The following SARNP variants were observed in gnomAD, a reference collection of about 807,000 sequenced individuals.
The protein encoded by SARNP is SAP domain containing ribonucleoprotein, also known as SAP domain-containing ribonucleoprotein.
In SARNP, 5 loss-of-function variants were observed where a neutral mutation model predicts 38.1. The ratio of observed to expected loss-of-function variants is 0.13; its 90% CI spans 0.07 to 0.28. SARNP has a LOEUF of 0.28. SARNP is among the 10% of genes least tolerant of loss of function. The probability of loss-of-function intolerance (pLI) is 1.00; values close to 1 mark genes in which losing one functional copy is unlikely to be tolerated. For synonymous variants in SARNP, 84 were observed against 80.6 expected (o/e 1.04, Z -0.23); for missense variants, 180 against 243.9 (o/e 0.74, Z 1.75).
intron 6 of SARNP, 122 bp downstream of exon 6, chr12:55,794,673 GTCAAAAAAGTGT>G (rs1259451560): frequency 1.4e-5 from 9 of 659,678 alleles, no homozygotes; most frequent in Non-Finnish European, 2.1e-5. Flanking sequence ...TCTGAATAGG[GTCAAAAAAGTGT>G]TCATATCCTT....
chr12:55,794,534 G>A (rs539728201), intron 6 of SARNP, 147 bp from the exon 7 acceptor site: 3 of 695,642 alleles, frequency 4.3e-6, no homozygotes, highest in East Asian at 2.8e-5. Flanking sequence ...CATGAAAGAG[G>A]TTCAGAAATT....
chr12:55,783,809 T>C (rs1879408713), intron 9 of SARNP, among the ~76,000 whole-genome samples: 1 of 151,762 alleles, frequency 6.6e-6, no homozygotes. Flanking sequence ...AAAAAAAAAT[T>C]AGGCTGCGCA....
chr12:55,788,756 C>T (rs940444747), intron 9 of SARNP, among the ~76,000 whole-genome samples: 1 of 152,010 alleles, frequency 6.6e-6, no homozygotes. Context: ...GCCGTGATCG[C>T]ACCACTGCAC....
intron 9 of SARNP, among the ~76,000 whole-genome samples, chr12:55,765,883 T>C (rs1878815608): frequency 6.6e-6 from 1 of 152,070 alleles, no homozygotes; most frequent in African/African-American, 2.4e-5. Context: ...ATCAACACAG[T>C]TCTAATGATC....
At chr12:55,780,471 A>G (rs555639541) in intron 9 of SARNP, among the ~76,000 whole-genome samples, 1 of 152,062 alleles carries the variant, frequency 6.6e-6, no homozygotes, top group Non-Finnish European at 1.5e-5. Flanking sequence ...AAAAGAAAGA[A>G]AAGAGAAGAG....
chr12:55,803,591 C>T lies in SARNP; in HGVS notation c.136+38G>A, dbSNP rs370325118. The T allele has an allele frequency of 6.3e-6, 8 of 1,278,582 alleles. No individual in the cohort carries two copies. The East Asian group carries it at 9.7e-5, about 16-fold the overall frequency. The allele number at this position is 1,278,582 out of a possible 1,614,324, so 79.2% of individuals were successfully genotyped here. The stretch of plus-strand genomic sequence containing the variant: ...TTTTCAGTGTCAAAGCCTGAAAATC[C>T]CCTCACTCACATCACTCCGCCTCCA... On this transcript the variant is annotated intron_variant, in intron 2 of 10. Coordinates refer to ENST00000336133, the MANE Select transcript of SARNP (RefSeq NM_033082.4).
chr12:55,815,009 C>T (rs1201695089), intron 1 of SARNP, among the ~76,000 whole-genome samples: 2 of 152,148 alleles, frequency 1.3e-5, no homozygotes, highest in Admixed American at 6.5e-5. Flanking sequence ...CCCTGAGGTT[C>T]CATACCAAAG....
chr12:55,801,831 T>C (rs936102381), intron 2 of SARNP, among the ~76,000 whole-genome samples: 8 of 152,238 alleles, frequency 5.3e-5, no homozygotes, highest in Non-Finnish European at 7.4e-5. Flanking sequence ...CTGCCCAGAC[T>C]GGTCTCAAAC....
intron 1 of SARNP, among the ~76,000 whole-genome samples, chr12:55,806,261 C>T (rs577357922): frequency 1.3e-5 from 2 of 150,984 alleles, no homozygotes; most frequent in African/African-American, 4.9e-5. Context: ...GTTATGAAGA[C>T]TAAATTAAAA....
chr12:55,781,674 T>G (rs944605319), intron 9 of SARNP, among the ~76,000 whole-genome samples: 1 of 152,186 alleles, frequency 6.6e-6, no homozygotes, highest in Non-Finnish European at 1.5e-5. Context: ...AAATGATCAC[T>G]GCAGCTATCC....
At chr12:55,808,149 C>T (rs1206335604) in intron 1 of SARNP, among the ~76,000 whole-genome samples, 1 of 152,070 alleles carries the variant, frequency 6.6e-6, no homozygotes, top group Non-Finnish European at 1.5e-5. Context: ...TTCTCATATA[C>T]TAGGACGTTA....
At chr12:55,782,776 A>G (rs927110017) in intron 9 of SARNP, among the ~76,000 whole-genome samples, 19 of 152,080 alleles carry the variant, frequency 1.2e-4, no homozygotes, top group Admixed American at 1.2e-3. Context: ...CATTTTATAG[A>G]AGACAGGGTC....
intron 9 of SARNP, among the ~76,000 whole-genome samples, chr12:55,775,293 T>G (rs1592562410): frequency 7.0e-6 from 1 of 142,326 alleles, no homozygotes; most frequent in Non-Finnish European, 1.5e-5. Flanking sequence ...GCATGGTGGC[T>G]CACGCCTGTA....
rs148555619 is a variant in SARNP, at chr12:55,763,735, G to A, written c.502-3095C>T. On this transcript the variant is annotated intron_variant, in intron 9 of 10. Coordinates refer to ENST00000336133, the MANE Select transcript of SARNP (RefSeq NM_033082.4). ...CCCAAAGTGCTGGGATTACAGGTGT[G>A]AGCCACTGTACCTGGCATCATTTAC... 1.3e-3 allele frequency among the ~76,000 whole-genome samples: 195 copies of A among 152,266 alleles called. 7 individuals are homozygous for A. Among genetic ancestry groups the A allele is most frequent in the Admixed American group, 7.5e-3 (114 of 15,286 alleles).
intron 4 of SARNP, among the ~76,000 whole-genome samples, chr12:55,799,123 T>C: frequency 6.6e-6 from 1 of 152,190 alleles, no homozygotes; most frequent in East Asian, 1.9e-4. Flanking sequence ...ATATAAAATC[T>C]TCCAAAAGTA....
chr12:55,781,835 C>A (rs1370813179), intron 9 of SARNP, among the ~76,000 whole-genome samples: 1 of 152,128 alleles, frequency 6.6e-6, no homozygotes, highest in East Asian at 1.9e-4. Context: ...GCCTTCCCCT[C>A]GGCCTTTCAA....
Position 55,760,532 on chromosome 12 carries a change from G to C in SARNP, c.591+19C>G. 1 of 1,435,814 alleles carries C rather than the reference G, an allele frequency of 7.0e-7. No individual in the cohort carries two copies. The allele number at this position is 1,435,814 out of a possible 1,614,324, so 88.9% of individuals were successfully genotyped here. On this transcript the variant is annotated intron_variant, in intron 10 of 10. Coordinates refer to ENST00000336133, the MANE Select transcript of SARNP (RefSeq NM_033082.4). ...AATTTCCCTTCAAGGTCTATGAAGC[G>C]TTCCAGGTATATTTTTACCTCTGTA... is the stretch of plus-strand genomic sequence containing the variant.
intron 5 of SARNP, among the ~76,000 whole-genome samples, chr12:55,795,551 T>C (rs1879796025): frequency 6.6e-6 from 1 of 152,200 alleles, no homozygotes; most frequent in Non-Finnish European, 1.5e-5. Context: ...CAGTTAGAAA[T>C]GAGGCAGCAT....
At chr12:55,807,801 G>A (rs1317641644) in intron 1 of SARNP, among the ~76,000 whole-genome samples, 4 of 147,234 alleles carry the variant, frequency 2.7e-5, no homozygotes, top group Non-Finnish European at 4.5e-5. Context: ...GTGACAGAGC[G>A]AGACTTTGTC....
Sources: allele counts gnomAD v4.1 joint callset (sites outside exome capture counted in the v4.1 genomes callset), GRCh38; gene constraint gnomAD v4.1.1; transcripts MANE v1.5; gene names NCBI Gene and HGNC (gene_info 2026-07-23, HGNC 2026-07-21).